CUX1: variants seen among roughly 807,000 people sequenced by gnomAD.
CUX1 encodes cut like homeobox 1, also known as protein CASP.
Under a neutral mutation model 158.8 loss-of-function variants are expected in CUX1, and 31 were observed. The observed-to-expected ratio is 0.20, with a 90% CI of 0.15 to 0.26. The LOEUF (loss-of-function observed/expected upper bound fraction) is 0.26, where lower values mean the gene tolerates loss of function less well. Among genes scored for constraint, CUX1 ranks in the 10% least tolerant of loss-of-function variants. The pLI is 1.00. For synonymous variants in CUX1, 879 were observed against 862.1 expected, an observed-to-expected ratio of 1.02 and a Z score of -0.34; for missense variants, 1,589 against 2,014.6, an observed-to-expected ratio of 0.79 and a Z score of 4.04.
intron 2 of CUX1, among the ~76,000 whole-genome samples, chr7:101,918,539 G>A (rs1035957080): frequency 6.6e-6 from 1 of 152,340 alleles, no homozygotes; most frequent in Middle Eastern, 3.4e-3. Context: ...AGTGGGTGGA[G>A]GGTGGTGCCC....
chr7:102,226,283 C>T (rs781843825), intron 20 of CUX1, among the ~76,000 whole-genome samples: 1 of 152,254 alleles, frequency 6.6e-6, no homozygotes, highest in Non-Finnish European at 1.5e-5. Flanking sequence ...GCAAAGAGCT[C>T]GGTTTTCAGA....
At chr7:101,965,792 T>C (rs1377453691) in intron 2 of CUX1, among the ~76,000 whole-genome samples, 1 of 128,648 alleles carries the variant, frequency 7.8e-6, no homozygotes, top group Non-Finnish European at 1.5e-5. Flanking sequence ...GAGCTTGCAG[T>C]GAGCCGAGAT....
intron 2 of CUX1, chr7:101,961,418 C>A (rs889526451): frequency 6.6e-6 from 1 of 152,152 alleles, no homozygotes; most frequent in East Asian, 1.9e-4. Flanking sequence ...ATATAAATTG[C>A]CAAAATCATT....
At chr7:102,202,798 G>A (rs914057794) in intron 18 of CUX1, among the ~76,000 whole-genome samples, 9 of 152,204 alleles carry the variant, frequency 5.9e-5, no homozygotes, top group African/African-American at 2.2e-4. Context: ...CCCAAGCAGG[G>A]TGGCCCGTGT....
chr7:102,171,792 A>G (rs781900903), intron 10 of CUX1, among the ~76,000 whole-genome samples: 5 of 152,166 alleles, frequency 3.3e-5, no homozygotes, highest in African/African-American at 4.8e-5. Context: ...TAGTTCACTT[A>G]CAAACCTCAG....
At chr7:102,158,030 G>C (rs1554505819) in intron 8 of CUX1, among the ~76,000 whole-genome samples, 1 of 152,026 alleles carries the variant, frequency 6.6e-6, no homozygotes, top group East Asian at 1.9e-4. Flanking sequence ...CCTCCAGTTG[G>C]CCACCTTCTC....
Position 101,938,791 on chromosome 7 carries a change from A to G in CUX1, c.141+22566A>G, listed in dbSNP as rs1807264681. ...CGTGATGGCTCATGCCGGTAATCCC[A>G]GCACTTTGGGAGGCTGAGGCGGGCA... On this transcript the variant is annotated intron_variant, in intron 2 of 23. Coordinates refer to ENST00000292535, the MANE Select transcript of CUX1 (RefSeq NM_181552.4). Among the ~76,000 whole-genome samples the G allele has an allele frequency of 2.0e-5, 3 of 152,232 alleles. No individual in the cohort carries two copies. In the South Asian group the frequency reaches 6.2e-4, roughly 32 times the overall value.
chr7:101,956,784 C>T (rs1809833449), intron 2 of CUX1, among the ~76,000 whole-genome samples: 1 of 152,180 alleles, frequency 6.6e-6, no homozygotes, highest in South Asian at 2.1e-4. Context: ...CCTGTCTCTA[C>T]ACAAAATACA....
At chr7:101,860,738 T>TTCCC (rs1797359484) in intron 1 of CUX1, among the ~76,000 whole-genome samples, 1 of 78,892 alleles carries the variant, frequency 1.3e-5, no homozygotes, top group African/African-American at 4.8e-5. Flanking sequence ...CCTTCCTCCC[T>TTCCC]TCCTTCCTTC....
chr7:102,168,623 G>A (rs1205329886), intron 9 of CUX1, among the ~76,000 whole-genome samples: 24 of 127,762 alleles, frequency 1.9e-4, no homozygotes, highest in South Asian at 1.8e-3. Context: ...CAGCCTAGGC[G>A]ACAGAGCGAG....
At chr7:102,280,317 C>A (rs1024843809) in intron 19 of CUX1, among the ~76,000 whole-genome samples, 1 of 152,200 alleles carries the variant, frequency 6.6e-6, no homozygotes, top group East Asian at 1.9e-4. Flanking sequence ...AGGAGCCCCC[C>A]CAAGACAGCC....
At chr7:102,199,124 C>A (rs112283012) in intron 16 of CUX1, among the ~76,000 whole-genome samples, 4 of 152,128 alleles carry the variant, frequency 2.6e-5, no homozygotes, top group African/African-American at 9.7e-5. Flanking sequence ...GAATCCCAGC[C>A]CACTTCAGAT....
At chr7:102,171,074 T>C (rs1005888417) in intron 10 of CUX1, among the ~76,000 whole-genome samples, 1 of 152,216 alleles carries the variant, frequency 6.6e-6, no homozygotes, top group Non-Finnish European at 1.5e-5. Context: ...GCTTGCTTTT[T>C]CTGAAATTAG....
rs1044577365 is a variant in CUX1, at chr7:102,252,721, C to T, written c.*3679C>T. ...CTCACTTCCACCCCAGAGGAGTCTT[C>T]TGTCCTCCTCCCCAACCCCCGAGCT... On this transcript the variant is annotated 3_prime_UTR_variant, in exon 24 of 24. Transcript: ENST00000292535. 1.0e-5 allele frequency: 10 copies of T among 985,364 alleles called. No homozygotes were observed. Among genetic ancestry groups the T allele is most frequent in the Non-Finnish European group, 1.2e-5 (10 of 829,986 alleles). The allele number at this position is 985,364 out of a possible 1,614,324, so 61.0% of individuals were successfully genotyped here. A position where few individuals can be genotyped will look rare whatever the true frequency, so the allele number is the denominator to read the frequency against.
intron 2 of CUX1, among the ~76,000 whole-genome samples, chr7:101,975,168 T>C (rs1316259308): frequency 2.0e-5 from 3 of 151,992 alleles, no homozygotes; most frequent in Admixed American, 2.0e-4. Flanking sequence ...GGAGAATCCC[T>C]TGAACCCGAG....
At chr7:102,067,135 C>CA in intron 3 of CUX1, among the ~76,000 whole-genome samples, 1 of 152,162 alleles carries the variant, frequency 6.6e-6, no homozygotes, top group East Asian at 1.9e-4. Flanking sequence ...TGGCATCCAC[C>CA]AGCCCCTCCT....
intron 1 of CUX1, among the ~76,000 whole-genome samples, chr7:101,871,332 T>TG (rs1285044153): frequency 1.3e-5 from 2 of 151,918 alleles, no homozygotes; most frequent in East Asian, 3.9e-4. Context: ...TTTTTTTTTT[T>TG]TTGTTAACAC....
chr7:102,150,911 C>T (rs909590792), intron 8 of CUX1, among the ~76,000 whole-genome samples: 22 of 152,196 alleles, frequency 1.4e-4, no homozygotes, highest in Admixed American at 2.0e-4. Flanking sequence ...CTCATAAAAA[C>T]GTGAGAGATC....
intron 1 of CUX1, among the ~76,000 whole-genome samples, chr7:101,878,090 T>C (rs1401242128): frequency 6.6e-6 from 1 of 152,180 alleles, no homozygotes; most frequent in Admixed American, 6.5e-5. Context: ...GAGAGCCCTG[T>C]CCTCCAGGGC....
Sources: allele counts gnomAD v4.1 joint callset (sites outside exome capture counted in the v4.1 genomes callset), GRCh38; gene constraint gnomAD v4.1.1; transcripts MANE v1.5; gene names NCBI Gene and HGNC (gene_info 2026-07-23, HGNC 2026-07-21).